The following ANKRD11 variants were observed in gnomAD, a reference collection of about 807,000 sequenced individuals.
ANKRD11 encodes ankyrin repeat domain-containing protein 11.
ANKRD11 carries 17 observed loss-of-function variants against 195.7 expected under a neutral mutation model. The observed-to-expected ratio is 0.09, with a 90% confidence interval of 0.06 to 0.13. The LOEUF (loss-of-function observed/expected upper bound fraction) is 0.13. Ranked by LOEUF, ANKRD11 falls within the 10% of genes least tolerant of loss-of-function variation. The pLI is 1.00. For synonymous variants in ANKRD11, 1,953 were observed against 1,528.1 expected (o/e 1.28, Z -6.49); for missense variants, 3,735 against 3,566.1 (o/e 1.05, Z -1.21).
chr16:89,291,282 C>G lies in ANKRD11; in HGVS notation c.227-99G>C. 1 of 1,442,084 alleles carries G rather than the reference C, an allele frequency of 6.9e-7. No homozygotes were observed. Among genetic ancestry groups the G allele is most frequent in the Non-Finnish European group, 9.5e-7 (1 of 1,049,730 alleles). The allele number at this position is 1,442,084 out of a possible 1,614,324, so 89.3% of individuals were successfully genotyped here. On this transcript the variant is annotated intron_variant, in intron 4 of 12. Coordinates refer to ENST00000301030, the MANE Select transcript of ANKRD11 (RefSeq NM_013275.6). This position sits in a 1 kb window ranked among gnomAD's most constrained non-coding sequence, Gnocchi z 5.3. ...AATGTTACGGAGCCCCCTGCGTCCA[C>G]CTGACAGCTGACAGAGCAGAAAGGA...
At chr16:89,415,062 G>T (rs1393174767) in intron 2 of ANKRD11, among the ~76,000 whole-genome samples, 1 of 151,254 alleles carries the variant, frequency 6.6e-6, no homozygotes, top group East Asian at 2.0e-4. Context: ...CTTCCTCCCC[G>T]CTCAGCCTCC....
intron 1 of ANKRD11, among the ~76,000 whole-genome samples, chr16:89,480,359 C>T (rs1178742719): frequency 1.3e-5 from 2 of 151,408 alleles, no homozygotes; most frequent in African/African-American, 4.9e-5. Context: ...TGCCTGTAGT[C>T]CCAGCTACTC....
At chr16:89,451,803 G>C (rs1175584860) in intron 1 of ANKRD11, among the ~76,000 whole-genome samples, 2 of 151,870 alleles carry the variant, frequency 1.3e-5, no homozygotes, top group Non-Finnish European at 2.9e-5. Flanking sequence ...GACGGAAAAA[G>C]TATTTCAGTG....
chr16:89,446,330 G>A (rs1363492583), intron 1 of ANKRD11, among the ~76,000 whole-genome samples: 8 of 151,928 alleles, frequency 5.3e-5, no homozygotes, highest in African/African-American at 1.9e-4. Flanking sequence ...GTGGACGGGC[G>A]CAGTGGCTCA....
Position 89,282,599 on chromosome 16 carries a change from G to A in ANKRD11, c.3943C>T (p.Pro1315Ser), listed in dbSNP as rs375535998. ...ACCTCCAGGAAGGCAGTCAGCCCCG[G>A]CTCCTGCCCTCGGTCCGTGAAGCTG... ...SDSFTDRGQE[P>S]GLTAFLEVSF... The change falls in exon 9 of 13, where the codon CCG becomes TCG. Residue 1315 changes from proline to serine, a missense_variant. Coordinates refer to ENST00000301030, the MANE Select transcript of ANKRD11 (RefSeq NM_013275.6). The A allele has an allele frequency of 1.9e-6, 3 of 1,614,014 alleles. No individual in the cohort carries two copies. Among genetic ancestry groups the A allele is most frequent in the East Asian group, 2.2e-5 (1 of 44,900 alleles).
intron 3 of ANKRD11, among the ~76,000 whole-genome samples, chr16:89,310,249 G>A (rs1400838333): frequency 6.6e-6 from 1 of 152,176 alleles, no homozygotes; most frequent in Non-Finnish European, 1.5e-5. Context: ...CCGCCTGTAT[G>A]TGGCATGCAG....
intron 7 of ANKRD11, chr16:89,287,223 C>A (rs547684775): frequency 3.3e-6 from 2 of 609,936 alleles, no homozygotes; most frequent in African/African-American, 3.9e-5. Context: ...AGCGCAGGTG[C>A]GGCCCTCCTC....
At chr16:89,355,231 A>C (rs1220388983) in intron 2 of ANKRD11, among the ~76,000 whole-genome samples, 1 of 151,698 alleles carries the variant, frequency 6.6e-6, no homozygotes, top group East Asian at 1.9e-4. Flanking sequence ...TCACGGAGGG[A>C]GGGCGGAGGG....
At chr16:89,445,946 G>A (rs1410599533) in intron 1 of ANKRD11, among the ~76,000 whole-genome samples, 3 of 148,866 alleles carry the variant, frequency 2.0e-5, no homozygotes, top group Non-Finnish European at 4.4e-5. Context: ...TCTGGCCTGG[G>A]CAACAAGAGC....
Position 89,291,616 on chromosome 16 carries a change from A to G in ANKRD11, c.227-433T>C. The G allele has an allele frequency of 1.7e-6, 2 of 1,177,574 alleles. No individual in the cohort carries two copies. Among genetic ancestry groups the G allele is most frequent in the Non-Finnish European group, 1.1e-6 (1 of 885,454 alleles). The allele number at this position is 1,177,574 out of a possible 1,614,324, so 72.9% of individuals were successfully genotyped here. On this transcript the variant is annotated intron_variant, in intron 4 of 12. Coordinates refer to ENST00000301030, the MANE Select transcript of ANKRD11 (RefSeq NM_013275.6). The surrounding 1 kb of genome is among the most constrained non-coding windows in gnomAD (Gnocchi z 5.3). Reference sequence around the variant, plus strand: ...CCCGTCCCTCCTCCAAACAGTGCAGATATAAAATGGCAGACACAGTTTAAA... The same window carrying G: ...CCCGTCCCTCCTCCAAACAGTGCAGGTATAAAATGGCAGACACAGTTTAAA...
In ANKRD11 at chr16:89,308,480, A is replaced by C. The variant is rs139516559; in HGVS notation, c.88-3136T>G. ...CACCCAACAGGCACTTCACAAAAGA[A>C]AATATCCAAATAAGACAACGAACAC... On this transcript the variant is annotated intron_variant, in intron 3 of 12. Coordinates refer to ENST00000301030, the MANE Select transcript of ANKRD11 (RefSeq NM_013275.6). Among the ~76,000 whole-genome samples, 126 of 152,334 alleles carry C rather than the reference A, an allele frequency of 8.3e-4. 1 individual carries two copies. Among genetic ancestry groups the C allele is most frequent in the African/African-American group, 2.4e-3 (100 of 41,570 alleles).
At chr16:89,348,311 A>G (rs945332782) in intron 2 of ANKRD11, among the ~76,000 whole-genome samples, 1 of 152,180 alleles carries the variant, frequency 6.6e-6, no homozygotes, top group South Asian at 2.1e-4. Context: ...GGTACACTAC[A>G]TTGATTTTTA....
intron 7 of ANKRD11, chr16:89,286,877 G>A: frequency 1.6e-6 from 2 of 1,288,724 alleles, no homozygotes; most frequent in South Asian, 2.5e-5. Context: ...CCCAACTTTA[G>A]TCCAGTCTGA....
intron 11 of ANKRD11, chr16:89,272,152 T>A (rs1198887711): frequency 6.6e-6 from 1 of 152,170 alleles, no homozygotes; most frequent in Non-Finnish European, 1.5e-5. Context: ...GAGCTCAACA[T>A]CATTGATCGT....
intron 2 of ANKRD11, among the ~76,000 whole-genome samples, chr16:89,338,700 G>C (rs554563059): frequency 7.3e-6 from 1 of 136,600 alleles, no homozygotes; most frequent in Non-Finnish European, 1.5e-5. Flanking sequence ...CCTCCAGCCT[G>C]GGCAGCAAAG....
At chr16:89,340,156 A>C (rs2038586547) in intron 2 of ANKRD11, among the ~76,000 whole-genome samples, 1 of 152,272 alleles carries the variant, frequency 6.6e-6, no homozygotes, top group Admixed American at 6.5e-5. Context: ...CTAGAAATGG[A>C]ATTTCTAGCA....
intron 2 of ANKRD11, among the ~76,000 whole-genome samples, chr16:89,368,801 G>C (rs539924452): frequency 3.4e-4 from 52 of 152,224 alleles, no homozygotes; most frequent in African/African-American, 1.2e-3. Flanking sequence ...AGCTACTCCA[G>C]AGGCAGGCGG....
intron 4 of ANKRD11, among the ~76,000 whole-genome samples, chr16:89,297,260 C>T (rs1173779356): frequency 6.6e-6 from 1 of 152,212 alleles, no homozygotes; most frequent in South Asian, 2.1e-4. Flanking sequence ...TGTGCAACTC[C>T]TGCGTCCCAC....
Position 89,281,769 on chromosome 16 carries a change from G to A in ANKRD11, c.4773C>T (p.Asp1591=). The change falls in exon 9 of 13, where the codon GAC becomes GAT. Residue 1591 remains aspartate, a synonymous_variant. Coordinates refer to ENST00000301030, the MANE Select transcript of ANKRD11 (RefSeq NM_013275.6). The surrounding 1 kb of genome is among the most constrained non-coding windows in gnomAD (Gnocchi z 5.5). ...GCTTGTGGCGCTCCTCGATCTCCAG[G>A]TCCTTCTGGGACAGCATCCTCTCGA... The part of the protein sequence containing the change: ...TSFERMLSQK[D]LEIEERHKRH... The A allele has an allele frequency of 6.2e-7, 1 of 1,613,934 alleles. No individual in the cohort carries two copies. The highest frequency in any genetic ancestry group is 1.7e-5 in the Admixed American group (1 of 60,022).
Sources: allele counts gnomAD v4.1 joint callset (sites outside exome capture counted in the v4.1 genomes callset), GRCh38; gene constraint gnomAD v4.1.1; non-coding constraint Gnocchi (gnomAD v3.1); transcripts MANE v1.5; gene names NCBI Gene and HGNC (gene_info 2026-07-23, HGNC 2026-07-21).